IKZF3: variants seen among roughly 807,000 people sequenced by gnomAD.
IKZF3 encodes IKAROS family zinc finger 3.
A neutral mutation model predicts 49.0 loss-of-function variants in IKZF3; 10 were observed. The ratio of observed to expected loss-of-function variants is 0.20; its 90% confidence interval spans 0.13 to 0.35. The LOEUF is 0.35. Among genes scored for constraint, IKZF3 ranks in the 10% least tolerant of loss-of-function variants. IKZF3 has a pLI of 1.00. For synonymous variants in IKZF3, 209 were observed against 228.2 expected (o/e 0.92, Z 0.76); for missense variants, 498 against 664.8 (o/e 0.75, Z 2.76).
chr17:39,812,101 T>C (rs897965841), intron 3 of IKZF3, among the ~76,000 whole-genome samples: 3 of 152,172 alleles, frequency 2.0e-5, no homozygotes, highest in African/African-American at 7.2e-5. Flanking sequence ...TTTGTAACAG[T>C]ATATTAAAAA....
chr17:39,816,969 C>T (rs2061692185), intron 3 of IKZF3, among the ~76,000 whole-genome samples: 1 of 152,238 alleles, frequency 6.6e-6, no homozygotes, highest in Admixed American at 6.5e-5. Flanking sequence ...CTGCCTGGGC[C>T]TCCCAAAGTG....
At chr17:39,835,007 C>T (rs1478541258) in intron 1 of IKZF3, 10 of 407,712 alleles carry the variant, frequency 2.5e-5, no homozygotes, top group South Asian at 5.8e-5. Flanking sequence ...AGCTTCCCAT[C>T]GTGGTCTTGA....
chr17:39,813,997 G>A (rs567481653), intron 3 of IKZF3, among the ~76,000 whole-genome samples: 10 of 152,162 alleles, frequency 6.6e-5, no homozygotes, highest in Admixed American at 2.6e-4. Flanking sequence ...TAAATGTGGC[G>A]GTAATTAGCA....
At chr17:39,862,619 G>GT (rs1289466283) in intron 1 of IKZF3, among the ~76,000 whole-genome samples, 1 of 152,100 alleles carries the variant, frequency 6.6e-6, no homozygotes, top group African/African-American at 2.4e-5. Context: ...AAATGTTAAA[G>GT]TTTTTTCATT....
Position 39,759,498 on chromosome 17 carries a change from T to C in IKZF3, c.*6292A>G, listed in dbSNP as rs2060132830. On this transcript the variant is annotated 3_prime_UTR_variant, in exon 8 of 8. Coordinates refer to ENST00000346872, the MANE Select transcript of IKZF3 (RefSeq NM_012481.5). The stretch of plus-strand genomic sequence containing the variant: ...AAAACCCTGTGTATCTTCATAACAA[T>C]GGTGGGGCAAAGACTATCTACAGCT... The C allele has an allele frequency of 6.6e-6, 1 of 152,034 alleles. No homozygotes were observed. Among genetic ancestry groups the C allele is most frequent in the Non-Finnish European group, 1.5e-5 (1 of 67,994 alleles). The allele number at this position is 152,034 out of a possible 1,614,324, so 9.4% of individuals were successfully genotyped here.
intron 1 of IKZF3, among the ~76,000 whole-genome samples, chr17:39,863,414 T>C (rs1018142620): frequency 2.0e-5 from 3 of 149,948 alleles, no homozygotes; most frequent in Non-Finnish European, 4.4e-5. Context: ...AATCCCACCA[T>C]CCCCCCCCGA....
At chr17:39,783,293 A>C (rs1452023061) in intron 6 of IKZF3, among the ~76,000 whole-genome samples, 1 of 152,194 alleles carries the variant, frequency 6.6e-6, no homozygotes, top group African/African-American at 2.4e-5. Context: ...TGCCTTTTTG[A>C]ACAAGTAAAA....
At chr17:39,805,212 GAAGT>G (rs985286803) in intron 3 of IKZF3, among the ~76,000 whole-genome samples, 2 of 152,284 alleles carry the variant, frequency 1.3e-5, no homozygotes, top group East Asian at 1.9e-4. Context: ...AACAAACAAG[GAAGT>G]AAGGAAGGAA....
chr17:39,855,599 G>A (rs1199187999), intron 1 of IKZF3, among the ~76,000 whole-genome samples: 2 of 152,110 alleles, frequency 1.3e-5, no homozygotes. Context: ...CTATGCTATT[G>A]GCTTGGCACA....
chr17:39,778,959 C>T (rs1321325834), intron 6 of IKZF3, among the ~76,000 whole-genome samples: 1 of 152,184 alleles, frequency 6.6e-6, no homozygotes, highest in Non-Finnish European at 1.5e-5. Flanking sequence ...GCCCAGGCCC[C>T]CCTTCAGATC....
At chr17:39,786,500 A>G (rs547474669) in intron 6 of IKZF3, among the ~76,000 whole-genome samples, 1 of 152,358 alleles carries the variant, frequency 6.6e-6, no homozygotes, top group African/African-American at 2.4e-5. Context: ...TCCTTGAGCG[A>G]GTACTGCCTG....
At chr17:39,860,264 T>C (rs1165929894) in intron 1 of IKZF3, among the ~76,000 whole-genome samples, 6 of 151,326 alleles carry the variant, frequency 4.0e-5, no homozygotes, top group African/African-American at 1.5e-4. Flanking sequence ...AAAAAAAAAC[T>C]GGATGTCTGA....
At chr17:39,788,504 G>T in intron 5 of IKZF3, 130 bp from the exon 6 acceptor site, 1 of 627,412 alleles carries the variant, frequency 1.6e-6, no homozygotes, top group South Asian at 2.0e-5. Flanking sequence ...GGATACTTTT[G>T]AATCTATATT....
intron 1 of IKZF3, among the ~76,000 whole-genome samples, chr17:39,853,318 T>A (rs1351685996): frequency 6.6e-6 from 1 of 152,198 alleles, no homozygotes; most frequent in Non-Finnish European, 1.5e-5. Context: ...GACTTTTGAA[T>A]TATATTGTAT....
At chr17:39,862,736 T>A (rs1408348773) in intron 1 of IKZF3, among the ~76,000 whole-genome samples, 1 of 152,302 alleles carries the variant, frequency 6.6e-6, no homozygotes. Context: ...ATTTATAGTC[T>A]ACACACTCTA....
chr17:39,828,926 G>C (rs1180367718), intron 3 of IKZF3, among the ~76,000 whole-genome samples: 1 of 152,024 alleles, frequency 6.6e-6, no homozygotes, highest in Non-Finnish European at 1.5e-5. Flanking sequence ...ACTAAAACAT[G>C]GGAGGCGGAG....
chr17:39,856,920 A>C (rs1445513971), intron 1 of IKZF3, among the ~76,000 whole-genome samples: 4 of 152,080 alleles, frequency 2.6e-5, no homozygotes, highest in African/African-American at 9.7e-5. Flanking sequence ...ATATTTGGAA[A>C]AAAAAGCCTC....
intron 1 of IKZF3, among the ~76,000 whole-genome samples, chr17:39,850,628 A>C (rs373105486): frequency 2.4e-5 from 3 of 124,864 alleles, no homozygotes; most frequent in East Asian, 2.3e-4. Context: ...TGTATATATA[A>C]TATATAGCAT....
rs549240635 is a variant in IKZF3 at position 39,815,387 on chromosome 17, C to T, written c.163+14000G>A. Among the ~76,000 whole-genome samples the T allele has an allele frequency of 1.1e-4, 16 of 152,330 alleles. No individual in the cohort carries two copies. The South Asian group carries it at 3.1e-3, about 30-fold the overall frequency. On this transcript the variant is annotated intron_variant, in intron 3 of 7. Transcript: ENST00000346872. ...TTGCTGGGATGACATTCCACCATCT[C>T]GAGTCTTATCTCTACCTAGTTAATA...
Sources: allele counts gnomAD v4.1 joint callset (sites outside exome capture counted in the v4.1 genomes callset), GRCh38; gene constraint gnomAD v4.1.1; transcripts MANE v1.5; gene names NCBI Gene and HGNC (gene_info 2026-07-23, HGNC 2026-07-21).